The following DLGAP1 variants were observed in gnomAD, a reference collection of about 807,000 sequenced individuals.
DLGAP1 encodes DLG associated protein 1.
A neutral mutation model predicts 90.8 loss-of-function variants in DLGAP1; 11 were observed. The observed-to-expected ratio is 0.12, with a 90% CI of 0.08 to 0.20. DLGAP1 has a LOEUF of 0.20. Among genes scored for constraint, DLGAP1 ranks in the 10% least tolerant of loss-of-function variants. The pLI is 1.00. For missense variants in DLGAP1, 1,050 were observed against 1,333.8 expected (o/e 0.79, Z 3.31); for synonymous variants, 558 against 540.7 (o/e 1.03, Z -0.44).
intron 2 of DLGAP1, among the ~76,000 whole-genome samples, chr18:4,119,584 T>TGAGGATGACAGC (rs2076119710): frequency 6.6e-6 from 1 of 152,104 alleles, no homozygotes; most frequent in Non-Finnish European, 1.5e-5. Flanking sequence ...CGGAATACGG[T>TGAGGATGACAGC]GAGGATGACA....
intron 1 of DLGAP1, among the ~76,000 whole-genome samples, chr18:4,365,097 C>A (rs1024962942): frequency 3.3e-5 from 5 of 152,128 alleles, no homozygotes; most frequent in African/African-American, 1.2e-4. Context: ...AGGAATTAAT[C>A]TTCCTTGTGA....
chr18:4,414,825 C>T (rs937387602), intron 1 of DLGAP1, among the ~76,000 whole-genome samples: 1 of 151,760 alleles, frequency 6.6e-6, no homozygotes, highest in East Asian at 1.9e-4. Flanking sequence ...GTCAAATGAA[C>T]ATGGTTTATA....
intron 3 of DLGAP1, chr18:3,977,691 G>A (rs1370682818): frequency 3.7e-5 from 12 of 325,518 alleles, no homozygotes; most frequent in South Asian, 3.3e-4. Flanking sequence ...CCCTGTTGCT[G>A]TAGCCAAATT....
intron 2 of DLGAP1, among the ~76,000 whole-genome samples, chr18:4,116,234 A>C (rs777949117): frequency 3.3e-5 from 5 of 152,108 alleles, no homozygotes; most frequent in Non-Finnish European, 7.4e-5. Flanking sequence ...ACAATTGTTA[A>C]TCTTTTTGAG....
intron 1 of DLGAP1, among the ~76,000 whole-genome samples, chr18:4,176,832 A>G (rs2077116487): frequency 6.6e-6 from 1 of 152,228 alleles, no homozygotes; most frequent in Non-Finnish European, 1.5e-5. Flanking sequence ...GCCATTGTTC[A>G]TGGAAGTTTA....
chr18:3,553,838 A>C (rs2053609996), intron 9 of DLGAP1, among the ~76,000 whole-genome samples: 1 of 152,250 alleles, frequency 6.6e-6, no homozygotes, highest in African/African-American at 2.4e-5. Flanking sequence ...CGGCCCACAC[A>C]TAGTTTTTTA....
chr18:3,588,571 G>T (rs2056036500), intron 7 of DLGAP1, among the ~76,000 whole-genome samples: 1 of 151,960 alleles, frequency 6.6e-6, no homozygotes, highest in South Asian at 2.1e-4. Context: ...CACAAGGTCA[G>T]GAGATCAAGA....
intron 10 of DLGAP1, among the ~76,000 whole-genome samples, chr18:3,533,156 G>A (rs868332974): frequency 2.0e-5 from 3 of 152,270 alleles, no homozygotes; most frequent in Admixed American, 6.5e-5. Context: ...GCTGCACATG[G>A]GGTGCATGCC....
intron 7 of DLGAP1, among the ~76,000 whole-genome samples, chr18:3,629,658 T>G (rs765185487): frequency 6.6e-6 from 1 of 151,682 alleles, no homozygotes; most frequent in Non-Finnish European, 1.5e-5. Context: ...GGCAACAGAG[T>G]GAGACTCTGT....
chr18:3,882,992 C>T (rs1230662249), intron 3 of DLGAP1, among the ~76,000 whole-genome samples: 2 of 152,184 alleles, frequency 1.3e-5, no homozygotes, highest in African/African-American at 4.8e-5. Context: ...GCCTGTAATC[C>T]TAGCACTTTG....
intron 5 of DLGAP1, among the ~76,000 whole-genome samples, chr18:3,803,020 GGTAAAT>G (rs2066384546): frequency 6.6e-6 from 1 of 152,182 alleles, no homozygotes; most frequent in African/African-American, 2.4e-5. Flanking sequence ...TTGGTAAAGT[GGTAAAT>G]GTTTAGAAAC....
chr18:4,038,852 C>T lies in DLGAP1; in HGVS notation c.-158-33651G>A, dbSNP rs551909242. Among the ~76,000 whole-genome samples the T allele has an allele frequency of 2.8e-4, 42 of 152,198 alleles. No individual in the cohort carries two copies. In the South Asian group the frequency reaches 8.3e-3, roughly 30 times the overall value. On this transcript the variant is annotated intron_variant, in intron 2 of 12. Coordinates refer to ENST00000315677, the MANE Select transcript of DLGAP1 (RefSeq NM_004746.4). ...GTATGCGTTTCCTCTGGCTGTGGTA[C>T]TGCAAATTACCACAAACTTGGTGCC... is the stretch of plus-strand genomic sequence containing the variant.
chr18:4,006,748 T>A lies in DLGAP1; in HGVS notation c.-158-1547A>T, dbSNP rs138311387. The stretch of plus-strand genomic sequence containing the variant: ...GCATCCTTGACCCCCAGTGTTCAAG[T>A]GATCCTTCTACCTCACCCTCTCAAA... On this transcript the variant is annotated intron_variant, in intron 2 of 12. Transcript: ENST00000315677. Among the ~76,000 whole-genome samples the A allele has an allele frequency of 1.7e-3, 254 of 151,806 alleles. 1 individual carries two copies. Among genetic ancestry groups the A allele is most frequent in the African/African-American group, 6.0e-3 (248 of 41,410 alleles).
intron 2 of DLGAP1, among the ~76,000 whole-genome samples, chr18:4,074,551 T>C (rs1320396429): frequency 6.6e-6 from 1 of 152,166 alleles, no homozygotes; most frequent in Non-Finnish European, 1.5e-5. Context: ...AGCTTAACAA[T>C]GTTAATATAA....
intron 7 of DLGAP1, among the ~76,000 whole-genome samples, chr18:3,714,861 C>T (rs2147266859): frequency 6.6e-6 from 1 of 152,172 alleles, no homozygotes; most frequent in East Asian, 1.9e-4. Flanking sequence ...GTCTCGAACT[C>T]CTGACCTCAA....
intron 1 of DLGAP1, among the ~76,000 whole-genome samples, chr18:4,428,318 C>T (rs567783516): frequency 1.3e-5 from 2 of 152,222 alleles, no homozygotes; most frequent in South Asian, 2.1e-4. Flanking sequence ...TGGTGGCTCA[C>T]GCCTGTAATC....
chr18:4,062,108 A>G (rs771892530), intron 2 of DLGAP1, among the ~76,000 whole-genome samples: 16 of 152,164 alleles, frequency 1.1e-4, no homozygotes, highest in Non-Finnish European at 1.8e-4. Context: ...TGTTTTTCAG[A>G]AAGTGTATTC....
intron 7 of DLGAP1, among the ~76,000 whole-genome samples, chr18:3,626,251 A>G (rs997884422): frequency 2.7e-5 from 4 of 150,804 alleles, no homozygotes; most frequent in African/African-American, 9.8e-5. Context: ...TGATCGCGCC[A>G]GTGCACTCCA....
chr18:3,887,286 T>G (rs1475885041), intron 3 of DLGAP1, among the ~76,000 whole-genome samples: 1 of 152,210 alleles, frequency 6.6e-6, no homozygotes, highest in Non-Finnish European at 1.5e-5. Flanking sequence ...AGACAGGTAG[T>G]CAGGGCAAAA....
Sources: gnomAD v4.1 joint callset for allele counts (sites outside exome capture counted in the v4.1 genomes callset) on GRCh38, gnomAD v4.1.1 for gene constraint, MANE v1.5 for transcripts, NCBI Gene and HGNC (gene_info 2026-07-23, HGNC 2026-07-21) for gene names.